Variants in ZYG11B observed in about 807,000 individuals in gnomAD.
The protein encoded by ZYG11B is protein zyg-11 homolog B.
In ZYG11B, 36 loss-of-function variants were observed where a neutral mutation model predicts 82.4. The observed-to-expected ratio is 0.44, with a 90% CI of 0.33 to 0.58. The LOEUF is 0.58. ZYG11B is among the 20% of genes least tolerant of loss of function. ZYG11B has a pLI of 0.02. For missense variants in ZYG11B, 552 were observed against 895.6 expected, an observed-to-expected ratio of 0.62 and a Z score of 4.90; for synonymous variants, 303 against 312.8, an observed-to-expected ratio of 0.97 and a Z score of 0.33.
intron 1 of ZYG11B, among the ~76,000 whole-genome samples, chr1:52,754,732 A>C (rs1440087338): frequency 6.6e-6 from 1 of 152,162 alleles, no homozygotes; most frequent in Non-Finnish European, 1.5e-5. Context: ...ATTTTTTTGA[A>C]GTTTAATAGA....
intron 10 of ZYG11B, among the ~76,000 whole-genome samples, chr1:52,804,689 C>T (rs1017450526): frequency 6.6e-6 from 1 of 152,034 alleles, no homozygotes; most frequent in African/African-American, 2.4e-5. Context: ...AAAGTAAGCC[C>T]TCTAGGATTT....
rs964385000 is a variant in ZYG11B at position 52,795,625 on chromosome 1, G to A, written c.1335-667G>A. Among the ~76,000 whole-genome samples, 11 of 152,110 alleles carry A rather than the reference G, an allele frequency of 7.2e-5. 1 individual carries two copies. The highest frequency in any genetic ancestry group is 7.2e-4 in the Admixed American group (11 of 15,282). ...TGCCTGGAATGCTTGTCCCCTAAAT[G>A]CCCATATGGTTCTTTCTTACTTCCT... On this transcript the variant is annotated intron_variant, in intron 6 of 13. Coordinates refer to ENST00000294353, the MANE Select transcript of ZYG11B (RefSeq NM_024646.3).
chr1:52,814,629 G>GT (rs1558144267), intron 12 of ZYG11B, among the ~76,000 whole-genome samples: 1 of 152,134 alleles, frequency 6.6e-6, no homozygotes, highest in African/African-American at 2.4e-5. Context: ...GAGCCCAGGA[G>GT]TTTGAGGCTG....
In ZYG11B at chr1:52,771,633, T is replaced by G. The variant is rs1355435033; in HGVS notation, c.810T>G (p.Ser270=). ...EQKDILPNLV[S]LDVSGRKHVT... ...AAGACATCCTACCTAACCTTGTTTC[T>G]CTGGATGTTTCTGGGAGAAAGCACG... Residue 270 remains serine, a synonymous_variant, in exon 3 of 14, where the codon TCT becomes TCG. Coordinates refer to ENST00000294353, the MANE Select transcript of ZYG11B (RefSeq NM_024646.3). The surrounding 1 kb of genome is among the most constrained non-coding windows in gnomAD (Gnocchi z 5.4). 6.2e-7 allele frequency: 1 copy of G among 1,614,124 alleles called. No individual in the cohort carries two copies. The highest frequency in any genetic ancestry group is 8.5e-7 in the Non-Finnish European group (1 of 1,180,054).
intron 5 of ZYG11B, among the ~76,000 whole-genome samples, chr1:52,786,650 T>G (rs1644915111): frequency 6.6e-6 from 1 of 152,026 alleles, no homozygotes; most frequent in Non-Finnish European, 1.5e-5. Context: ...CTCAGGAGCC[T>G]AAAGAGTACA....
chr1:52,803,109 T>C lies in ZYG11B; in HGVS notation c.1695+970T>C, dbSNP rs1249254710. ...ACACATATATATATACATATATATA[T>C]ATATATATACACACATATATATATA... On this transcript the variant is annotated intron_variant, in intron 10 of 13. Transcript: ENST00000294353. 5.9e-4 allele frequency among the ~76,000 whole-genome samples: 53 copies of C among 90,582 alleles called. 2 individuals are homozygous for C. The highest frequency in any genetic ancestry group is 2.4e-3 in the African/African-American group (32 of 13,378). 59.4% of individuals were successfully genotyped at this position (90,582 alleles called of 152,430 possible). A position where few individuals can be genotyped will look rare whatever the true frequency, so the allele number is the denominator to read the frequency against.
At chr1:52,785,481 A>G (rs1449316093) in intron 5 of ZYG11B, among the ~76,000 whole-genome samples, 1 of 152,194 alleles carries the variant, frequency 6.6e-6, no homozygotes, top group East Asian at 1.9e-4. Context: ...TTTTTTAAAC[A>G]GAGTCTTGCT....
At chr1:52,782,369 G>A (rs1558132105) in intron 4 of ZYG11B, among the ~76,000 whole-genome samples, 1 of 151,344 alleles carries the variant, frequency 6.6e-6, no homozygotes, top group African/African-American at 2.4e-5. Flanking sequence ...TGGGATTATA[G>A]GAGTGAGCCA....
At chr1:52,743,401 C>G (rs917933966) in intron 1 of ZYG11B, among the ~76,000 whole-genome samples, 1 of 16,764 alleles carries the variant, frequency 6.0e-5, no homozygotes, top group African/African-American at 4.4e-4. Context: ...TCAATAAATA[C>G]TAAAAAAAAA....
chr1:52,773,695 T>G (rs1644778222), intron 3 of ZYG11B, among the ~76,000 whole-genome samples: 1 of 120,102 alleles, frequency 8.3e-6, no homozygotes, highest in Non-Finnish European at 1.6e-5. Flanking sequence ...CAGGCAGGAG[T>G]GCAGTGGTAT....
rs771578467 is a variant in ZYG11B, at chr1:52,784,882, G to T, written c.1098G>T (p.Val366=). The T allele has an allele frequency of 2.5e-6, 4 of 1,611,410 alleles. No homozygotes were observed. Among genetic ancestry groups the T allele is most frequent in the Admixed American group, 1.7e-5 (1 of 58,982 alleles). The part of the protein sequence containing the change: ...EKTKPEILKL[V]VTGMRNHPMN... ...GACTAATTTTTTTTTTCCAGCTTGTGGTTACTGGGATGAGAAACCACCCTA... is the reference window on the plus strand; with the variant it reads ...GACTAATTTTTTTTTTCCAGCTTGTTGTTACTGGGATGAGAAACCACCCTA... Residue 366 remains valine, a synonymous_variant, in exon 5 of 14, where the codon GTG becomes GTT. Coordinates refer to ENST00000294353, the MANE Select transcript of ZYG11B (RefSeq NM_024646.3).
chr1:52,729,509 C>T (rs141357443), intron 1 of ZYG11B, among the ~76,000 whole-genome samples: 1 of 152,248 alleles, frequency 6.6e-6, no homozygotes, highest in East Asian at 1.9e-4. Flanking sequence ...GCCACTTTCT[C>T]GTGCAATATT....
chr1:52,727,888 A>T (rs1385170863), intron 1 of ZYG11B, among the ~76,000 whole-genome samples: 2 of 152,200 alleles, frequency 1.3e-5, no homozygotes, highest in East Asian at 3.8e-4. Context: ...AATAAGGCAA[A>T]ACTAAGTCCT....
chr1:52,782,704 A>T (rs2149945986), intron 4 of ZYG11B, among the ~76,000 whole-genome samples: 1 of 152,214 alleles, frequency 6.6e-6, no homozygotes, highest in African/African-American at 2.4e-5. Context: ...AAGCCTCCTG[A>T]GTAGCTAGGA....
intron 8 of ZYG11B, 87 bp from the exon 9 acceptor site, chr1:52,801,732 A>T (rs1645077232): frequency 1.8e-6 from 2 of 1,133,432 alleles, no homozygotes; most frequent in Admixed American, 2.7e-5. Context: ...CATGAGACTA[A>T]TCCTCATGGA....
intron 2 of ZYG11B, 115 bp from the exon 3 acceptor site, chr1:52,770,905 A>T: frequency 8.7e-7 from 1 of 1,146,110 alleles, no homozygotes; most frequent in Non-Finnish European, 1.2e-6. Flanking sequence ...ATGAATTGTG[A>T]TTATCAGACG....
intron 10 of ZYG11B, among the ~76,000 whole-genome samples, chr1:52,803,145 TATATATATACACATATATATATAC>T (rs1645099242): frequency 1.2e-4 from 9 of 75,100 alleles, no homozygotes; most frequent in African/African-American, 5.4e-4. Flanking sequence ...CACACATATA[TATATATATACACATATATATATAC>T]ACACATATAT....
At chr1:52,773,599 C>CTATATATATATATATATATATATATA (rs1204746797) in intron 3 of ZYG11B, among the ~76,000 whole-genome samples, 1 of 26,026 alleles carries the variant, frequency 3.8e-5, no homozygotes, top group Non-Finnish European at 6.3e-5. Context: ...ATGCTTTAAA[C>CTATATATATATATATATATATATATA]TATATATATA....
At chr1:52,775,618 G>A (rs1184092958) in intron 3 of ZYG11B, among the ~76,000 whole-genome samples, 3 of 152,192 alleles carry the variant, frequency 2.0e-5, no homozygotes, top group African/African-American at 7.2e-5. Context: ...TTGAACCTGG[G>A]AGGCGGAGGT....
Sources: allele counts gnomAD v4.1 joint callset (sites outside exome capture counted in the v4.1 genomes callset), GRCh38; gene constraint gnomAD v4.1.1; non-coding constraint Gnocchi (gnomAD v3.1); transcripts MANE v1.5; gene names NCBI Gene and HGNC (gene_info 2026-07-23, HGNC 2026-07-21).